The following ACSL4 variants were observed in gnomAD, a reference collection of about 807,000 sequenced individuals.
ACSL4 encodes the protein long-chain-fatty-acid--CoA ligase 4.
Under a neutral mutation model 49.1 loss-of-function variants are expected in ACSL4, and 9 were observed. The observed-to-expected ratio is 0.18, with a 90% CI of 0.11 to 0.32. The LOEUF is 0.32. Among genes scored for constraint, ACSL4 ranks in the 10% least tolerant of loss-of-function variants. The probability of loss-of-function intolerance (pLI) is 1.00; values close to 1 mark genes in which losing one functional copy is unlikely to be tolerated. For synonymous variants in ACSL4, 191 were observed against 170.3 expected (o/e 1.12, Z -0.95); for missense variants, 333 against 493.7 (o/e 0.67, Z 3.08).
At chrX:109,726,007 T>A (rs1240232484) in intron 1 of ACSL4, among the ~76,000 whole-genome samples, 1 of 112,063 alleles carries the variant, frequency 8.9e-6, no homozygotes, top group East Asian at 2.8e-4. Flanking sequence ...TTGTATAATG[T>A]TAAGCAAATC....
intron 1 of ACSL4, among the ~76,000 whole-genome samples, chrX:109,731,137 C>T (rs889446172): frequency 2.7e-5 from 3 of 111,414 alleles, no homozygotes; most frequent in African/African-American, 9.8e-5. Context: ...ACTAAGTATA[C>T]CTAAATTGAA....
At chrX:109,693,168 A>G (rs928272562) in intron 2 of ACSL4, among the ~76,000 whole-genome samples, 1 of 111,897 alleles carries the variant, frequency 8.9e-6, no homozygotes, top group Non-Finnish European at 1.9e-5. Flanking sequence ...AAATTATGCA[A>G]CAATGCAGTC....
At chrX:109,681,203 A>G in intron 5 of ACSL4, 63 bp downstream of exon 5, 2 of 1,201,980 alleles carry the variant, frequency 1.7e-6, no homozygotes, top group Non-Finnish European at 2.3e-6. Flanking sequence ...CACTTACTGA[A>G]TGAATATTTT....
At chrX:109,669,544 C>T (rs1922992811) in intron 9 of ACSL4, among the ~76,000 whole-genome samples, 1 of 110,679 alleles carries the variant, frequency 9.0e-6, no homozygotes, top group Non-Finnish European at 1.9e-5. Context: ...CAGGCGCCTG[C>T]CACCACACCC....
chrX:109,663,945 G>A (rs1164208442), intron 12 of ACSL4, among the ~76,000 whole-genome samples: 1 of 110,898 alleles, frequency 9.0e-6, no homozygotes, highest in Non-Finnish European at 1.9e-5. Flanking sequence ...TAAACTAATT[G>A]ATAATAAATA....
chrX:109,720,750 T>C lies in ACSL4; in HGVS notation c.-66+12389A>G, dbSNP rs376644490. Among the ~76,000 whole-genome samples the C allele has an allele frequency of 8.9e-5, 10 of 111,868 alleles. 1 individual carries two copies. In the East Asian group the frequency reaches 1.7e-3, roughly 19 times the overall value. On this transcript the variant is annotated intron_variant, in intron 1 of 15. Transcript: ENST00000672401. ...TCACAGAAATTCTAACCTACTCCTATAAGGAATTGTCTAGGTACAGAAGGG... is the reference window on the plus strand; with the variant it reads ...TCACAGAAATTCTAACCTACTCCTACAAGGAATTGTCTAGGTACAGAAGGG...
intron 2 of ACSL4, 87 bp downstream of exon 2, chrX:109,696,057 T>TCAAG (rs1925424389): frequency 1.8e-5 from 2 of 112,287 alleles, no homozygotes; most frequent in Non-Finnish European, 3.8e-5. Context: ...ATAAAAAGGG[T>TCAAG]CAAGATGCCT....
At chrX:109,717,216 A>G (rs1259593853) in intron 1 of ACSL4, among the ~76,000 whole-genome samples, 1 of 110,043 alleles carries the variant, frequency 9.1e-6, no homozygotes, top group Non-Finnish European at 1.9e-5. Flanking sequence ...TTTAAGAATA[A>G]GAAAAGATTG....
chrX:109,717,722 C>T (rs1361785715), intron 1 of ACSL4, among the ~76,000 whole-genome samples: 5 of 111,023 alleles, frequency 4.5e-5, no homozygotes, highest in Non-Finnish European at 9.4e-5. Context: ...TGGCCCTAAC[C>T]CTGGCCAAAA....
At chrX:109,664,012 A>C (rs1922415588) in intron 12 of ACSL4, among the ~76,000 whole-genome samples, 1 of 111,828 alleles carries the variant, frequency 8.9e-6, no homozygotes, top group African/African-American at 3.2e-5. Context: ...GCTTACTTTA[A>C]GGAAAATATA....
intron 8 of ACSL4, among the ~76,000 whole-genome samples, chrX:109,675,016 G>A (rs892116287): frequency 8.9e-6 from 1 of 112,325 alleles, no homozygotes; most frequent in Non-Finnish European, 1.9e-5. Context: ...TGGCCATATA[G>A]AGGATGGTTC....
At chrX:109,708,419 T>C (rs1292215095) in intron 1 of ACSL4, among the ~76,000 whole-genome samples, 1 of 112,238 alleles carries the variant, frequency 8.9e-6, no homozygotes, top group Admixed American at 9.5e-5. Context: ...CAAAAGGTGT[T>C]TAGCCCTACT....
At chrX:109,660,166 GA>G (rs367979291) in intron 14 of ACSL4, among the ~76,000 whole-genome samples, 8,810 of 106,776 alleles carry the variant, frequency 0.083, 815 homozygotes, top group African/African-American at 0.26. Context: ...CTATGGAATA[GA>G]AAAAAAAAAT....
intron 14 of ACSL4, 139 bp downstream of exon 14, chrX:109,661,392 C>T (rs1922165247): frequency 4.0e-6 from 2 of 496,138 alleles, no homozygotes; most frequent in Non-Finnish European, 7.1e-6. Context: ...AATTCACTAA[C>T]TTACATAAAT....
At chrX:109,644,984 C>T (rs900639643) in intron 15 of ACSL4, among the ~76,000 whole-genome samples, 4 of 113,016 alleles carry the variant, frequency 3.5e-5, no homozygotes, top group Non-Finnish European at 7.5e-5. Context: ...AACGGTGCAC[C>T]AGGAGATTAT....
chrX:109,676,522 C>T (rs1180333314), intron 8 of ACSL4, among the ~76,000 whole-genome samples: 2 of 111,040 alleles, frequency 1.8e-5, no homozygotes, highest in Admixed American at 9.5e-5. Flanking sequence ...AGCAGAGCCA[C>T]GTATAGACAA....
At chrX:109,699,254 C>T (rs777005375) in intron 1 of ACSL4, among the ~76,000 whole-genome samples, 1 of 111,723 alleles carries the variant, frequency 9.0e-6, no homozygotes, top group Admixed American at 9.5e-5. Flanking sequence ...ATTAACCCAG[C>T]TACGGGGGAG....
rs183575068 is a variant in ACSL4, at chrX:109,665,662, C to G, written c.1316-168G>C. Among the ~76,000 whole-genome samples, 36 of 110,790 alleles carry G rather than the reference C, an allele frequency of 3.2e-4. No individual in the cohort carries two copies. The East Asian group carries it at 0.01, about 32-fold the overall frequency. ...CTCCACTTCAATAGTGCAATGGATT[C>G]CATTGTTGTTACATCATTTTTGCTT... On this transcript the variant is annotated intron_variant, in intron 11 of 15. Transcript: ENST00000672401.
At chrX:109,701,112 T>C (rs1169148728) in intron 1 of ACSL4, among the ~76,000 whole-genome samples, 1 of 112,271 alleles carries the variant, frequency 8.9e-6, no homozygotes, top group Non-Finnish European at 1.9e-5. Context: ...ATATATTAAA[T>C]GAAGTGAAAG....
Sources: allele counts gnomAD v4.1 joint callset (sites outside exome capture counted in the v4.1 genomes callset), GRCh38; gene constraint gnomAD v4.1.1; transcripts MANE v1.5; gene names NCBI Gene and HGNC (gene_info 2026-07-23, HGNC 2026-07-21).